Variants in GMPR observed in about 807,000 individuals in gnomAD.
GMPR encodes guanosine monophosphate reductase, also known as GMP reductase 1.
A neutral mutation model predicts 38.4 loss-of-function variants in GMPR; 31 were observed. The observed-to-expected ratio is 0.81, with a 90% CI of 0.61 to 1.09. The LOEUF is 1.09. Among genes scored for constraint, GMPR ranks in the 50% least tolerant of loss-of-function variants. GMPR has a pLI of 0.00. For synonymous variants in GMPR, 162 were observed against 173.3 expected (o/e 0.93, Z 0.51); for missense variants, 468 against 453.7 (o/e 1.03, Z -0.29).
intron 6 of GMPR, among the ~76,000 whole-genome samples, chr6:16,283,450 T>C (rs1260095660): frequency 1.3e-5 from 2 of 152,240 alleles, no homozygotes; most frequent in African/African-American, 4.8e-5. Context: ...GCCATGTCTG[T>C]CCTAAGGCAT....
intron 8 of GMPR, among the ~76,000 whole-genome samples, chr6:16,294,475 G>A (rs1759898801): frequency 6.6e-6 from 1 of 152,186 alleles, no homozygotes. Context: ...GAAGACACTT[G>A]ATTTCTGATC....
chr6:16,246,751 C>T, intron 1 of GMPR, 91 bp from the exon 2 acceptor site: 1 of 1,261,362 alleles, frequency 7.9e-7, no homozygotes, highest in Admixed American at 1.9e-5. Flanking sequence ...CTTGTTCCTA[C>T]TCGCTCCAAA....
chr6:16,268,607 G>T (rs1268330363), intron 4 of GMPR, among the ~76,000 whole-genome samples: 1 of 152,150 alleles, frequency 6.6e-6, no homozygotes, highest in African/African-American at 2.4e-5. Flanking sequence ...TTAGGGGTTG[G>T]CACATCACAG....
chr6:16,271,317 C>T (rs1199111528), intron 4 of GMPR, among the ~76,000 whole-genome samples: 1 of 152,078 alleles, frequency 6.6e-6, no homozygotes, highest in Admixed American at 6.6e-5. Context: ...GAAACTCTGT[C>T]TCTACAGAAA....
intron 8 of GMPR, among the ~76,000 whole-genome samples, chr6:16,292,788 G>A (rs1460775240): frequency 2.0e-5 from 3 of 152,162 alleles, no homozygotes; most frequent in Non-Finnish European, 1.5e-5. Context: ...GAAGACCAGA[G>A]CAGGCTATGG....
At chr6:16,241,900 T>C (rs1478154668) in intron 1 of GMPR, among the ~76,000 whole-genome samples, 1 of 151,916 alleles carries the variant, frequency 6.6e-6, no homozygotes, top group Non-Finnish European at 1.5e-5. Flanking sequence ...TACCACGCTC[T>C]GCTAATTTTT....
chr6:16,265,802 C>T (rs757369100), intron 4 of GMPR, among the ~76,000 whole-genome samples: 10 of 152,342 alleles, frequency 6.6e-5, no homozygotes, highest in Non-Finnish European at 1.5e-4. Flanking sequence ...CCGGATAACC[C>T]ACTCCGGAAC....
chr6:16,275,313 A>G (rs559689982), intron 5 of GMPR, among the ~76,000 whole-genome samples: 1 of 152,354 alleles, frequency 6.6e-6, no homozygotes, highest in Admixed American at 6.5e-5. Context: ...CTACCAAAAA[A>G]GGAAGCAAAC....
intron 1 of GMPR, among the ~76,000 whole-genome samples, chr6:16,245,615 G>A (rs192250685): frequency 2.6e-5 from 4 of 152,308 alleles, no homozygotes; most frequent in Admixed American, 6.5e-5. Flanking sequence ...TGTGTCTATC[G>A]GAGTCCAGCC....
At chr6:16,292,311 G>C (rs1759854944) in intron 8 of GMPR, among the ~76,000 whole-genome samples, 2 of 152,062 alleles carry the variant, frequency 1.3e-5, no homozygotes, top group African/African-American at 4.8e-5. Flanking sequence ...ATTGGGGGGA[G>C]TGGGGTGTAT....
At chr6:16,289,067 G>GGGTGATTT (rs1303825346) in intron 7 of GMPR, among the ~76,000 whole-genome samples, 1 of 152,158 alleles carries the variant, frequency 6.6e-6, no homozygotes, top group Non-Finnish European at 1.5e-5. Context: ...TTCTTTGGGA[G>GGGTGATTT]GGTGATTTGT....
At chr6:16,245,841 G>T (rs766720590) in intron 1 of GMPR, among the ~76,000 whole-genome samples, 4 of 152,202 alleles carry the variant, frequency 2.6e-5, no homozygotes, top group Admixed American at 6.5e-5. Flanking sequence ...AGGCCTCTCT[G>T]GTCGGAGGAT....
intron 2 of GMPR, among the ~76,000 whole-genome samples, chr6:16,247,319 A>C (rs1758776656): frequency 6.6e-6 from 1 of 152,004 alleles, no homozygotes; most frequent in Non-Finnish European, 1.5e-5. Flanking sequence ...TTACTGTATA[A>C]TTATGTTGAA....
intron 2 of GMPR, among the ~76,000 whole-genome samples, chr6:16,249,238 T>A (rs1758818486): frequency 6.8e-6 from 1 of 147,196 alleles, no homozygotes; most frequent in African/African-American, 2.5e-5. Context: ...AATGGCACCA[T>A]CTTGGCTCAC....
At chr6:16,248,901 C>T (rs1298149741) in intron 2 of GMPR, among the ~76,000 whole-genome samples, 1 of 152,168 alleles carries the variant, frequency 6.6e-6, no homozygotes, top group African/African-American at 2.4e-5. Flanking sequence ...TAGGAAGTCT[C>T]CCTGCTAACA....
intron 4 of GMPR, among the ~76,000 whole-genome samples, chr6:16,263,565 T>C (rs1216428957): frequency 6.6e-6 from 1 of 150,382 alleles, no homozygotes; most frequent in Non-Finnish European, 1.5e-5. Flanking sequence ...GGGAAAGGGG[T>C]TGGGGCGTGG....
At chr6:16,289,084 G>C (rs1759764692) in intron 7 of GMPR, among the ~76,000 whole-genome samples, 1 of 152,164 alleles carries the variant, frequency 6.6e-6, no homozygotes, top group Non-Finnish European at 1.5e-5. Context: ...TTGTTGTTTC[G>C]CTCTTTGCAA....
intron 4 of GMPR, among the ~76,000 whole-genome samples, chr6:16,266,328 ACT>A (rs1409779514): frequency 6.7e-6 from 1 of 149,746 alleles, no homozygotes; most frequent in Non-Finnish European, 1.5e-5. Context: ...GGAACGAACA[ACT>A]CTGGGTGCGC....
chr6:16,254,837 G>A, intron 4 of GMPR, 102 bp downstream of exon 4: 1 of 768,074 alleles, frequency 1.3e-6, no homozygotes, highest in Non-Finnish European at 2.2e-6. Context: ...CAGAGCTTTT[G>A]GTGCCTCTTT....
Sources: allele counts gnomAD v4.1 joint callset (sites outside exome capture counted in the v4.1 genomes callset), GRCh38; gene constraint gnomAD v4.1.1; transcripts MANE v1.5; gene names NCBI Gene and HGNC (gene_info 2026-07-23, HGNC 2026-07-21).